The following ZNF491 variants were observed in gnomAD, a reference collection of about 807,000 sequenced individuals.
The protein encoded by ZNF491 is zinc finger protein 491.
In ZNF491, 22 loss-of-function variants were observed where a neutral mutation model predicts 34.7. That is an observed-to-expected ratio of 0.63 (90% CI 0.45 to 0.90). ZNF491 has a LOEUF of 0.90. Ranked by LOEUF, ZNF491 falls within the 40% of genes least tolerant of loss-of-function variation. The pLI, the probability that ZNF491 is intolerant of heterozygous loss-of-function variation, is 0.00. For missense variants in ZNF491, 559 were observed against 531.7 expected, an observed-to-expected ratio of 1.05 and a Z score of -0.51; for synonymous variants, 148 against 174.3, an observed-to-expected ratio of 0.85 and a Z score of 1.19.
In ZNF491 at chr19:11,806,910, G is replaced by C; in HGVS notation, c.957G>C (p.Arg319Ser). 6.2e-7 allele frequency: 1 copy of C among 1,609,678 alleles called. No individual in the cohort carries two copies. The highest frequency in any genetic ancestry group is 2.2e-5 in the East Asian group (1 of 44,576). The stretch of plus-strand genomic sequence containing the variant: ...CCACTTCGTTTCAATATCATGAAAG[G>C]ACTCACACTGGAGAGAAACCCGATG... ...TCSTSFQYHE[R>S]THTGEKPDGC... is the part of the protein sequence containing the mutation. Residue 319 changes from arginine to serine, a missense_variant, in exon 3 of 3, where the codon AGG (arginine) becomes AGC (serine). Arg to Ser is a moderately radical substitution (Grantham distance 110). Transcript: ENST00000323169.
chr19:11,806,537 C>A lies in ZNF491; in HGVS notation c.584C>A (p.Ser195Ter), dbSNP rs770791859. 3.7e-6 allele frequency: 6 copies of A among 1,614,068 alleles called. No individual in the cohort carries two copies. Among genetic ancestry groups the A allele is most frequent in the Non-Finnish European group, 5.1e-6 (6 of 1,180,014 alleles). Residue 195 changes from serine to a stop codon, truncating the protein, a stop_gained, in exon 3 of 3, where the codon TCA (serine) becomes TAA (stop). Transcript: ENST00000323169. LOFTEE classifies it high-confidence loss of function. Reference sequence around the variant, plus strand: ...TATGAATGTAAGGAGTGTGGGAAATCATTCAATTTTTCCAGTTCCTTTCGC... The same window carrying A: ...TATGAATGTAAGGAGTGTGGGAAATAATTCAATTTTTCCAGTTCCTTTCGC... ...KPYECKECGK[S>*]FNFSSSFRRH...
intron 1 of ZNF491, among the ~76,000 whole-genome samples, chr19:11,802,585 T>G (rs1400880560): frequency 6.6e-6 from 1 of 152,212 alleles, no homozygotes; most frequent in East Asian, 1.9e-4. Context: ...CCTTCAGCAC[T>G]TCATCAATTA....
At position 11,807,684 on chromosome 19, in the gene ZNF491, G is replaced by C. The variant is rs533073171; in HGVS notation, c.*417G>C. The C allele has an allele frequency of 5.6e-6, 1 of 179,166 alleles. No individual in the cohort carries two copies. Among genetic ancestry groups the C allele is most frequent in the African/African-American group, 2.4e-5 (1 of 41,866 alleles). 11.1% of individuals were successfully genotyped at this position (179,166 alleles called of 1,614,324 possible). On this transcript the variant is annotated 3_prime_UTR_variant, in exon 3 of 3. Transcript: ENST00000323169. ...TATCTACAGTTTGGTTTTTCTTTAA[G>C]TATTGTAATGTACATACCAGAGAGA...
At chr19:11,801,456 A>T (rs1461910511) in intron 1 of ZNF491, among the ~76,000 whole-genome samples, 2 of 152,080 alleles carry the variant, frequency 1.3e-5, no homozygotes, top group African/African-American at 4.8e-5. Context: ...GGAGTTCAAG[A>T]CCAGCCTGGC....
At chr19:11,801,972 G>A (rs1281792725) in intron 1 of ZNF491, among the ~76,000 whole-genome samples, 2 of 152,012 alleles carry the variant, frequency 1.3e-5, no homozygotes, top group African/African-American at 4.8e-5. Context: ...GTGAACAATG[G>A]ATTTCAATTC....
rs1975631236 is a variant in ZNF491, at chr19:11,807,415, T to G, written c.*148T>G. On this transcript the variant is annotated 3_prime_UTR_variant, in exon 3 of 3. Transcript: ENST00000323169. ...AATAAAATGTAGAGATGGAGTTAGG[T>G]GATGCCACGCTGGGATTCACTGGTG... 1.8e-6 allele frequency: 1 copy of G among 557,924 alleles called. No individual in the cohort carries two copies. The highest frequency in any genetic ancestry group is 1.9e-5 in the African/African-American group (1 of 52,458). 34.6% of individuals were successfully genotyped at this position (557,924 alleles called of 1,614,324 possible).
intron 1 of ZNF491, among the ~76,000 whole-genome samples, chr19:11,799,573 G>A (rs1975536425): frequency 7.1e-6 from 1 of 140,124 alleles, no homozygotes; most frequent in African/African-American, 2.7e-5. Flanking sequence ...TAACATTCCA[G>A]CGTAAGGCAA....
chr19:11,799,699 G>A (rs1345344657), intron 1 of ZNF491, among the ~76,000 whole-genome samples: 1 of 152,046 alleles, frequency 6.6e-6, no homozygotes, highest in East Asian at 1.9e-4. Flanking sequence ...ACTTTGGGAG[G>A]CCGAGGCGGG....
At position 11,806,291 on chromosome 19, in the gene ZNF491, T is replaced by C. The variant is rs1490663091; in HGVS notation, c.338T>C (p.Ile113Thr). ...TGTAAGGAATGTGAAAAATCTTTCATTTCTCCTGCAAGCATTCGAAGATAT... is the reference window on the plus strand; with the variant it reads ...TGTAAGGAATGTGAAAAATCTTTCACTTCTCCTGCAAGCATTCGAAGATAT... ...FDCKECEKSF[I>T]SPASIRRYMV... Residue 113 changes from isoleucine (I) to threonine (T), a missense_variant, in exon 3 of 3, where the codon ATT becomes ACT. Ile to Thr is a moderately conservative substitution (Grantham distance 89, BLOSUM62 -1). Coordinates refer to ENST00000323169, the MANE Select transcript of ZNF491 (RefSeq NM_152356.4). 24 of 1,605,284 alleles carry C rather than the reference T, an allele frequency of 1.5e-5. No individual in the cohort carries two copies. In the East Asian group the frequency reaches 5.1e-4, roughly 34 times the overall value.
intron 1 of ZNF491, among the ~76,000 whole-genome samples, chr19:11,801,659 A>G (rs988207122): frequency 4.6e-5 from 7 of 152,126 alleles, no homozygotes; most frequent in Admixed American, 3.9e-4. Flanking sequence ...TGGTACAATA[A>G]TTTTTCTAGT....
intron 1 of ZNF491, among the ~76,000 whole-genome samples, chr19:11,799,946 G>T (rs1469276313): frequency 6.6e-6 from 1 of 151,400 alleles, no homozygotes; most frequent in Non-Finnish European, 1.5e-5. Flanking sequence ...AAAAAAATTA[G>T]TCAGGTATGA....
At chr19:11,800,624 G>A (rs1050827523) in intron 1 of ZNF491, among the ~76,000 whole-genome samples, 4 of 150,882 alleles carry the variant, frequency 2.7e-5, no homozygotes, top group Admixed American at 1.3e-4. Context: ...GGGTTCAAGC[G>A]ATTCCCCTGC....
Position 11,804,662 on chromosome 19 carries a change from G to A in ZNF491, c.-13G>A, listed in dbSNP as rs1449007125. 2.9e-6 allele frequency: 4 copies of A among 1,360,878 alleles called. No homozygotes were observed. The highest frequency in any genetic ancestry group is 3.9e-6 in the Non-Finnish European group (4 of 1,035,862). 84.3% of individuals were successfully genotyped at this position (1,360,878 alleles called of 1,614,324 possible). A position where few individuals can be genotyped will look rare whatever the true frequency, so the allele number is the denominator to read the frequency against. ...CAGGAAACCTTCACGAACCTCATCT[G>A]TATAGGTAGGGGTGACAATATTACC... is the stretch of plus-strand genomic sequence containing the variant. On this transcript the variant is annotated 5_prime_UTR_variant, in exon 2 of 3. Coordinates refer to ENST00000323169, the MANE Select transcript of ZNF491 (RefSeq NM_152356.4).
In ZNF491 at chr19:11,807,033, T is replaced by C. The variant is rs1170476940; in HGVS notation, c.1080T>C (p.Cys360=). 1 of 1,610,542 alleles carries C rather than the reference T, an allele frequency of 6.2e-7. No homozygotes were observed. Among genetic ancestry groups the C allele is most frequent in the Non-Finnish European group, 8.5e-7 (1 of 1,178,680 alleles). The part of the protein sequence containing the change: ...TGEKPYECKQ[C]GKAFHCVSSF... ...AGAAACCCTATGAATGTAAGCAATG[T>C]GGGAAAGCATTTCATTGTGTCAGCT... is the stretch of plus-strand genomic sequence containing the variant. Residue 360 remains cysteine, a synonymous_variant, in exon 3 of 3, where the codon TGT becomes TGC. Coordinates refer to ENST00000323169, the MANE Select transcript of ZNF491 (RefSeq NM_152356.4).
rs1292458514 is a variant in ZNF491, at chr19:11,804,658, A to T, written c.-17A>T. 1 of 1,391,504 alleles carries T rather than the reference A, an allele frequency of 7.2e-7. No homozygotes were observed. The highest frequency in any genetic ancestry group is 2.6e-5 in the Admixed American group (1 of 38,120). The allele number at this position is 1,391,504 out of a possible 1,614,324, so 86.2% of individuals were successfully genotyped here. On this transcript the variant is annotated 5_prime_UTR_variant, in exon 2 of 3. Coordinates refer to ENST00000323169, the MANE Select transcript of ZNF491 (RefSeq NM_152356.4). ...GATGCAGGAAACCTTCACGAACCTC[A>T]TCTGTATAGGTAGGGGTGACAATAT... is the stretch of plus-strand genomic sequence containing the variant.
Position 11,804,650 on chromosome 19 carries a change from C to T in ZNF491, c.-25C>T, listed in dbSNP as rs765049367. The T allele has an allele frequency of 9.9e-6, 14 of 1,420,138 alleles. No individual in the cohort carries two copies. Among genetic ancestry groups the T allele is most frequent in the Admixed American group, 7.7e-5 (3 of 38,934 alleles). 88.0% of individuals were successfully genotyped at this position (1,420,138 alleles called of 1,614,324 possible). A position where few individuals can be genotyped will look rare whatever the true frequency, so the allele number is the denominator to read the frequency against. On this transcript the variant is annotated 5_prime_UTR_variant, in exon 2 of 3. The change creates a new upstream start codon in the 5' untranslated region. Coordinates refer to ENST00000323169, the MANE Select transcript of ZNF491 (RefSeq NM_152356.4). ...AGAGATGTGATGCAGGAAACCTTCA[C>T]GAACCTCATCTGTATAGGTAGGGGT... is the stretch of plus-strand genomic sequence containing the variant.
chr19:11,801,565 G>T (rs1259744235), intron 1 of ZNF491, among the ~76,000 whole-genome samples: 1 of 152,190 alleles, frequency 6.6e-6, no homozygotes, highest in Non-Finnish European at 1.5e-5. Context: ...TGAGGCAGGA[G>T]AATTGCTTGA....
intron 1 of ZNF491, among the ~76,000 whole-genome samples, chr19:11,802,682 C>T (rs920013397): frequency 1.3e-5 from 2 of 152,180 alleles, no homozygotes; most frequent in Non-Finnish European, 2.9e-5. Context: ...CTCTCTTAAT[C>T]AGTTGGGTTG....
intron 1 of ZNF491, among the ~76,000 whole-genome samples, chr19:11,803,761 T>C (rs1975579003): frequency 6.6e-6 from 1 of 152,220 alleles, no homozygotes; most frequent in Non-Finnish European, 1.5e-5. Context: ...ATCACTTGAT[T>C]GAAGCAGTGT....
Sources: allele counts gnomAD v4.1 joint callset (sites outside exome capture counted in the v4.1 genomes callset), GRCh38; gene constraint gnomAD v4.1.1; transcripts MANE v1.5; gene names NCBI Gene and HGNC (gene_info 2026-07-23, HGNC 2026-07-21).